BPIFB1: variants seen among roughly 807,000 people sequenced by gnomAD.
The protein encoded by BPIFB1 is BPI fold containing family B member 1, also known as BPI fold-containing family B member 1.
In BPIFB1, 34 loss-of-function variants were observed where a neutral mutation model predicts 55.1. The observed-to-expected ratio is 0.62, with a 90% CI of 0.47 to 0.82. The LOEUF (loss-of-function observed/expected upper bound fraction) is 0.82. Ranked by LOEUF, BPIFB1 falls within the 40% of genes least tolerant of loss-of-function variation. BPIFB1 has a pLI of 0.00. For synonymous variants in BPIFB1, 236 were observed against 245.3 expected, an observed-to-expected ratio of 0.96 and a Z score of 0.35; for missense variants, 532 against 593.1, an observed-to-expected ratio of 0.90 and a Z score of 1.07.
rs762600251 is a variant in BPIFB1, at chr20:33,297,539, C to T, written c.612C>T (p.Ile204=). ...NLVKNQLCPV[I]EASFNGMYAD... ...TGCTGTTGCAGCTGTGTCCCGTGATCGAGGCTTCCTTCAATGGCATGTATG... is the reference window on the plus strand; with the variant it reads ...TGCTGTTGCAGCTGTGTCCCGTGATTGAGGCTTCCTTCAATGGCATGTATG... The change falls in exon 7 of 16, where the codon ATC becomes ATT. Residue 204 remains isoleucine (I), a synonymous_variant. Coordinates refer to ENST00000253354, the MANE Select transcript of BPIFB1 (RefSeq NM_033197.3). 1.2e-5 allele frequency: 20 copies of T among 1,614,096 alleles called. No homozygotes were observed. In the East Asian group the frequency reaches 2.2e-4, roughly 18 times the overall value.
chr20:33,302,822 GC>G, intron 10 of BPIFB1, 93 bp from the exon 11 acceptor site: 7 of 1,424,540 alleles, frequency 4.9e-6, no homozygotes, highest in Non-Finnish European at 6.8e-6. Context: ...GGAGCAGGGA[GC>G]CCAGGAAGGC....
intron 1 of BPIFB1, among the ~76,000 whole-genome samples, chr20:33,284,997 C>T (rs1242914562): frequency 5.9e-5 from 9 of 152,158 alleles, no homozygotes; most frequent in Non-Finnish European, 8.8e-5. Context: ...AACTTTGAGT[C>T]CTACCTGGCT....
At chr20:33,288,435 A>T (rs1346641276) in intron 2 of BPIFB1, among the ~76,000 whole-genome samples, 1 of 152,144 alleles carries the variant, frequency 6.6e-6, no homozygotes, top group Non-Finnish European at 1.5e-5. Flanking sequence ...TCAGGGGATG[A>T]GTGCAGGTCC....
intron 14 of BPIFB1, 162 bp from the exon 15 acceptor site, chr20:33,306,749 G>T: frequency 1.5e-6 from 1 of 652,002 alleles, no homozygotes; most frequent in Non-Finnish European, 2.8e-6. Context: ...GGTAGACGAG[G>T]CTGGGTCAAT....
chr20:33,290,185 C>T (rs1980418446), intron 4 of BPIFB1, among the ~76,000 whole-genome samples, 193 bp downstream of exon 4: 1 of 152,088 alleles, frequency 6.6e-6, no homozygotes, highest in South Asian at 2.1e-4. Context: ...AGAGAGGGGG[C>T]ATGGTAGGAG....
chr20:33,285,807 C>T (rs1433883845), intron 1 of BPIFB1, among the ~76,000 whole-genome samples: 3 of 152,066 alleles, frequency 2.0e-5, no homozygotes, highest in African/African-American at 7.2e-5. Flanking sequence ...CAGATATTAA[C>T]TCACTTAATC....
intron 3 of BPIFB1, among the ~76,000 whole-genome samples, chr20:33,289,366 A>T (rs1980373947): frequency 7.2e-6 from 1 of 139,598 alleles, no homozygotes; most frequent in South Asian, 2.5e-4. Context: ...GGGTGACAAG[A>T]GTGAGATTCT....
rs1341520231 is a variant in BPIFB1 at position 33,303,002 on chromosome 20, G to C, written c.1068G>C (p.Lys356Asn). Residue 356 changes from lysine (K) to asparagine (N), a missense_variant, in exon 11 of 16, where the codon AAG becomes AAC. Transcript: ENST00000253354. Reference sequence around the variant, plus strand: ...TTTTTATAGACCAAGGCCATGCCAAGGTGGCCCAACTGATCGTGCTGGAAG... The same window carrying C: ...TTTTTATAGACCAAGGCCATGCCAACGTGGCCCAACTGATCGTGCTGGAAG... ...PEFFIDQGHA[K>N]VAQLIVLEVF... 1 of 1,614,052 alleles carries C rather than the reference G, an allele frequency of 6.2e-7. No homozygotes were observed. The highest frequency in any genetic ancestry group is 2.2e-5 in the East Asian group (1 of 44,898).
At chr20:33,305,974 G>A (rs1361066876) in intron 13 of BPIFB1, 28 bp from the exon 14 acceptor site, 4 of 1,612,902 alleles carry the variant, frequency 2.5e-6, no homozygotes, top group Non-Finnish European at 3.4e-6. Context: ...CTCAACCAGG[G>A]TGACAGTGCC....
intron 1 of BPIFB1, among the ~76,000 whole-genome samples, 191 bp downstream of exon 1, chr20:33,283,445 G>T (rs1356772935): frequency 6.6e-6 from 1 of 152,188 alleles, no homozygotes; most frequent in Non-Finnish European, 1.5e-5. Context: ...GGACCAAAGG[G>T]CAGTGACGAA....
At chr20:33,284,035 G>T (rs137862377) in intron 1 of BPIFB1, among the ~76,000 whole-genome samples, 2 of 152,138 alleles carry the variant, frequency 1.3e-5, no homozygotes, top group Non-Finnish European at 2.9e-5. Context: ...GCTGCAAGGT[G>T]TCTCCTTCTG....
chr20:33,303,722 C>T (rs192146363), intron 11 of BPIFB1, among the ~76,000 whole-genome samples: 4 of 152,270 alleles, frequency 2.6e-5, no homozygotes, highest in South Asian at 2.1e-4. Context: ...TCGTCGTCAT[C>T]GTCATCATTA....
intron 11 of BPIFB1, 132 bp from the exon 12 acceptor site, chr20:33,303,826 A>T (rs1046145774): frequency 2.5e-6 from 2 of 811,518 alleles, no homozygotes; most frequent in Non-Finnish European, 4.1e-6. Flanking sequence ...TGAGGCCCAG[A>T]GAGGTCAAAC....
intron 6 of BPIFB1, among the ~76,000 whole-genome samples, chr20:33,292,458 A>G (rs1980506366): frequency 6.6e-6 from 1 of 152,246 alleles, no homozygotes; most frequent in Admixed American, 6.5e-5. Flanking sequence ...AAAATACAGC[A>G]AACTAATTAG....
At chr20:33,301,763 C>T (rs1364417605) in intron 9 of BPIFB1, among the ~76,000 whole-genome samples, 1 of 152,260 alleles carries the variant, frequency 6.6e-6, no homozygotes, top group Non-Finnish European at 1.5e-5. Context: ...CTGCTCACCA[C>T]TATGACACTC....
chr20:33,303,498 C>G (rs1980921601), intron 11 of BPIFB1, among the ~76,000 whole-genome samples: 1 of 152,148 alleles, frequency 6.6e-6, no homozygotes. Context: ...GGCTCATATC[C>G]TATCAGCTTG....
rs374492385 is a variant in BPIFB1 at position 33,286,033 on chromosome 20, G to T, written c.-41G>T. ...TCAGGTCCCTCTGTGCTCACCCCAGGTCTGGCATCCTGCACTTGCTGCCCT... is the reference window on the plus strand; with the variant it reads ...TCAGGTCCCTCTGTGCTCACCCCAGTTCTGGCATCCTGCACTTGCTGCCCT... On this transcript the variant is annotated splice_region_variant and 5_prime_UTR_variant, in exon 2 of 16. Transcript: ENST00000253354. 1.5e-5 allele frequency: 24 copies of T among 1,598,010 alleles called. No individual in the cohort carries two copies. In the African/African-American group the frequency reaches 3.0e-4, roughly 20 times the overall value.
At chr20:33,291,253 T>C in intron 5 of BPIFB1, 147 bp downstream of exon 5, 1 of 1,113,048 alleles carries the variant, frequency 9.0e-7, no homozygotes, top group African/African-American at 1.6e-5. Context: ...CTGGGGCTCC[T>C]TCCAGGGAAT....
intron 14 of BPIFB1, 133 bp downstream of exon 14, chr20:33,306,198 T>C: frequency 1.0e-6 from 1 of 1,002,460 alleles, no homozygotes; most frequent in Non-Finnish European, 1.6e-6. Flanking sequence ...AAAATCTGCC[T>C]CCTCCCAAGA....
Sources: gnomAD v4.1 joint callset for allele counts (sites outside exome capture counted in the v4.1 genomes callset) on GRCh38, gnomAD v4.1.1 for gene constraint, MANE v1.5 for transcripts, NCBI Gene and HGNC (gene_info 2026-07-23, HGNC 2026-07-21) for gene names.